Variants in PPP6C observed in about 807,000 individuals in gnomAD.
PPP6C encodes serine/threonine-protein phosphatase 6 catalytic subunit.
A neutral mutation model predicts 39.8 loss-of-function variants in PPP6C; 11 were observed. The ratio of observed to expected loss-of-function variants is 0.28; its 90% CI spans 0.17 to 0.46. The LOEUF (loss-of-function observed/expected upper bound fraction) is 0.46, where lower values mean the gene tolerates loss of function less well. Ranked by LOEUF, PPP6C falls within the 20% of genes least tolerant of loss-of-function variation. The pLI is 1.00. For synonymous variants in PPP6C, 129 were observed against 130.3 expected (o/e 0.99, Z 0.07); for missense variants, 211 against 373.9 (o/e 0.56, Z 3.59).
chr9:125,150,755 C>G (rs772620860), intron 6 of PPP6C: 70 of 717,126 alleles, frequency 9.8e-5, no homozygotes, highest in Non-Finnish European at 1.6e-4. Context: ...AGAAATTCAG[C>G]AACTAGGAGA....
chr9:125,167,800 G>T (rs867196002), intron 2 of PPP6C, among the ~76,000 whole-genome samples: 1 of 143,930 alleles, frequency 6.9e-6, no homozygotes, highest in South Asian at 2.4e-4. Flanking sequence ...GCCAAGGCAG[G>T]TGGATCACCT....
At chr9:125,166,196 T>C (rs1022560559) in intron 2 of PPP6C, among the ~76,000 whole-genome samples, 3 of 152,226 alleles carry the variant, frequency 2.0e-5, no homozygotes, top group African/African-American at 7.2e-5. Flanking sequence ...TTGCATTTTA[T>C]ATCATCAAAA....
intron 1 of PPP6C, among the ~76,000 whole-genome samples, chr9:125,178,427 G>A (rs964027122): frequency 2.0e-5 from 3 of 147,640 alleles, no homozygotes; most frequent in Non-Finnish European, 4.5e-5. Flanking sequence ...CTTTTCATAC[G>A]CTTATTTGTC....
chr9:125,170,123 G>A (rs7852933), intron 2 of PPP6C, among the ~76,000 whole-genome samples: 35,659 of 152,074 alleles, frequency 0.23, 4,700 homozygotes, highest in Non-Finnish European at 0.3. Flanking sequence ...AGCACTCTAT[G>A]AGTAATCTGT....
chr9:125,189,134 C>T (rs1409893594), intron 1 of PPP6C, among the ~76,000 whole-genome samples: 5 of 152,208 alleles, frequency 3.3e-5, no homozygotes, highest in African/African-American at 1.2e-4. Flanking sequence ...TCGCTCCCGC[C>T]AGTACCAAAC....
rs2271746 is a variant in PPP6C, at chr9:125,153,668, G to A, written c.534C>T (p.Thr178=). ...GAGGAATTTCCTGATTCCGTTCGAT[G>A]GTTCGAATTTGATCCAGTGTTTTGA... The part of the protein sequence containing the change: ...PDIKTLDQIR[T]IERNQEIPHK... Residue 178 remains threonine (T), a synonymous_variant, in exon 6 of 7, where the codon ACC becomes ACT. Transcript: ENST00000373547. 9.3e-3 allele frequency: 15,078 copies of A among 1,614,060 alleles called. 831 individuals carry two copies. In the Admixed American group the frequency reaches 0.12, roughly 13 times the overall value.
rs1174612097 is a variant in PPP6C, at chr9:125,189,765, A to AGCG, written c.-50_-48dup. 26 of 1,545,928 alleles carry AGCG rather than the reference A, an allele frequency of 1.7e-5. No homozygotes were observed. The highest frequency in any genetic ancestry group is 8.6e-5 in the African/African-American group (6 of 69,948). Reference sequence around the variant, plus strand: ...CAACAGCGGCGGCGGCGGCTGTAGCAGCGGCGGCGGCAGCGGCGGAGGCCG... The same window carrying AGCG: ...CAACAGCGGCGGCGGCGGCTGTAGCAGCGGCGGCGGCGGCAGCGGCGGAGGCCG... On this transcript the variant is annotated 5_prime_UTR_variant, in exon 1 of 7. Coordinates refer to ENST00000373547, the MANE Select transcript of PPP6C (RefSeq NM_002721.5).
At chr9:125,182,148 T>C (rs1026524890) in intron 1 of PPP6C, among the ~76,000 whole-genome samples, 2 of 152,204 alleles carry the variant, frequency 1.3e-5, no homozygotes, top group Non-Finnish European at 2.9e-5. Context: ...CTATGTCTCT[T>C]CTCTACCTTT....
chr9:125,166,795 G>A (rs546848217), intron 2 of PPP6C, among the ~76,000 whole-genome samples: 38 of 152,232 alleles, frequency 2.5e-4, no homozygotes, highest in African/African-American at 8.7e-4. Context: ...GATTACAGGT[G>A]TGAGCCACCG....
chr9:125,153,860 T>A, intron 5 of PPP6C, 46 bp downstream of exon 5: 5 of 1,537,516 alleles, frequency 3.3e-6, no homozygotes, highest in Non-Finnish European at 4.5e-6. Flanking sequence ...ATATGCAATG[T>A]GTTATTGGCA....
intron 1 of PPP6C, among the ~76,000 whole-genome samples, chr9:125,176,124 T>C (rs549558942): frequency 2.6e-5 from 4 of 152,204 alleles, no homozygotes; most frequent in East Asian, 1.9e-4. Flanking sequence ...GGGGACACAA[T>C]ACTACAGGCA....
In PPP6C at chr9:125,148,882, T is replaced by C. The variant is rs868607869; in HGVS notation, c.*791A>G. On this transcript the variant is annotated 3_prime_UTR_variant, in exon 7 of 7. Transcript: ENST00000373547. ...AAAAATAAATACTATTGAATTTCAA[T>C]TGAAGTTTTAAACTCAATAACCAAA... The C allele has an allele frequency of 6.6e-6, 1 of 152,314 alleles. No individual in the cohort carries two copies. The highest frequency in any genetic ancestry group is 2.4e-5 in the African/African-American group (1 of 41,582). The allele number at this position is 152,314 out of a possible 1,614,324, so 9.4% of individuals were successfully genotyped here.
intron 1 of PPP6C, among the ~76,000 whole-genome samples, chr9:125,180,720 C>T (rs542136687): frequency 2.6e-5 from 4 of 152,178 alleles, no homozygotes; most frequent in Admixed American, 6.6e-5. Context: ...TGTGTCTGGC[C>T]GGTTCCCATA....
Position 125,188,055 on chromosome 9 carries a change from TAAAAC to T in PPP6C, c.75+1584_75+1588del, listed in dbSNP as rs527452172. ...ATCAACTTACTGTACAAAGAAGAAATAAAACAAAACCCACAGTAATATATTTCCTT... is the reference window on the plus strand; with the variant it reads ...ATCAACTTACTGTACAAAGAAGAAATAAAACCCACAGTAATATATTTCCTT... On this transcript the variant is annotated intron_variant, in intron 1 of 6. Coordinates refer to ENST00000373547, the MANE Select transcript of PPP6C (RefSeq NM_002721.5). Among the ~76,000 whole-genome samples, 534 of 151,942 alleles carry T rather than the reference TAAAAC, an allele frequency of 3.5e-3. 4 individuals carry two copies. Among genetic ancestry groups the T allele is most frequent in the Non-Finnish European group, 5.6e-3 (378 of 67,996 alleles).
chr9:125,152,681 T>C (rs942752506), intron 6 of PPP6C, among the ~76,000 whole-genome samples: 1 of 151,054 alleles, frequency 6.6e-6, no homozygotes, highest in Non-Finnish European at 1.5e-5. Context: ...AAATACAAAA[T>C]TAGCCAGGCG....
chr9:125,163,857 T>C (rs953363296), intron 2 of PPP6C, among the ~76,000 whole-genome samples: 1 of 151,908 alleles, frequency 6.6e-6, no homozygotes, highest in Non-Finnish European at 1.5e-5. Flanking sequence ...TCTTTTTTTT[T>C]TTTTTTTGAG....
chr9:125,152,490 T>C (rs2131298049), intron 6 of PPP6C, among the ~76,000 whole-genome samples: 1 of 152,318 alleles, frequency 6.6e-6, no homozygotes, highest in East Asian at 1.9e-4. Context: ...TCTTTGGATC[T>C]ATTTGGCTTT....
intron 1 of PPP6C, among the ~76,000 whole-genome samples, chr9:125,178,964 C>T (rs1829364181): frequency 6.6e-6 from 1 of 152,066 alleles, no homozygotes; most frequent in African/African-American, 2.4e-5. Context: ...TCTGTAATCC[C>T]AGCACTTTGG....
intron 1 of PPP6C, among the ~76,000 whole-genome samples, chr9:125,171,547 T>A (rs1345196563): frequency 6.9e-6 from 1 of 145,048 alleles, no homozygotes; most frequent in Non-Finnish European, 1.5e-5. Flanking sequence ...AAAAGGTTTT[T>A]GGGTTTTTTT....
Sources: gnomAD v4.1 joint callset for allele counts (sites outside exome capture counted in the v4.1 genomes callset) on GRCh38, gnomAD v4.1.1 for gene constraint, MANE v1.5 for transcripts, NCBI Gene and HGNC (gene_info 2026-07-23, HGNC 2026-07-21) for gene names.